PPFIBP1: variants seen among roughly 807,000 people sequenced by gnomAD.
PPFIBP1 encodes liprin-beta-1.
A neutral mutation model predicts 137.8 loss-of-function variants in PPFIBP1; 112 were observed. That is an observed-to-expected ratio of 0.81 (90% confidence interval 0.70 to 0.95). The LOEUF (loss-of-function observed/expected upper bound fraction) is 0.95, where lower values mean the gene tolerates loss of function less well. PPFIBP1 is among the 40% of genes least tolerant of loss of function. The probability of loss-of-function intolerance (pLI) is 0.00; values close to 1 mark genes in which losing one functional copy is unlikely to be tolerated. For synonymous variants in PPFIBP1, 378 were observed against 417.3 expected, an observed-to-expected ratio of 0.91 and a Z score of 1.15; for missense variants, 1,083 against 1,196.6, an observed-to-expected ratio of 0.91 and a Z score of 1.40.
At chr12:27,618,966 A>G (rs1427527555) in intron 2 of PPFIBP1, among the ~76,000 whole-genome samples, 2 of 152,234 alleles carry the variant, frequency 1.3e-5, no homozygotes, top group African/African-American at 2.4e-5. Context: ...TTAGCCAAGT[A>G]TAACATCTAT....
At chr12:27,629,082 G>A in intron 2 of PPFIBP1, among the ~76,000 whole-genome samples, 1 of 152,148 alleles carries the variant, frequency 6.6e-6, no homozygotes, top group South Asian at 2.1e-4. Flanking sequence ...GTTAAAAGTT[G>A]GGCTGGCATG....
chr12:27,659,517 G>A (rs2059413115), intron 10 of PPFIBP1, among the ~76,000 whole-genome samples: 1 of 152,088 alleles, frequency 6.6e-6, no homozygotes, highest in South Asian at 2.1e-4. Context: ...GGAGGCTGAG[G>A]TGGAAGGATC....
In PPFIBP1 at chr12:27,687,413, G is replaced by A; in HGVS notation, c.2276G>A (p.Ser759Asn). The A allele has an allele frequency of 6.2e-7, 1 of 1,613,950 alleles. No homozygotes were observed. The highest frequency in any genetic ancestry group is 8.5e-7 in the Non-Finnish European group (1 of 1,179,870). Reference protein sequence around the residue: ...VDDLLSLKVVSVLHHLSIKRA... With the variant: ...VDDLLSLKVVNVLHHLSIKRA... ...GACTTACTGTCTCTGAAGGTTGTAA[G>A]TGTGCTACACCATCTCAGTATCAAA... The change falls in exon 25 of 30, where the codon AGT becomes AAT. Residue 759 changes from serine (S) to asparagine (N), a missense_variant. Ser to Asn is a conservative substitution (Grantham distance 46). Coordinates refer to ENST00000228425, the MANE Select transcript of PPFIBP1 (RefSeq NM_003622.4).
At chr12:27,549,443 C>T (rs996181775) in intron 1 of PPFIBP1, 8 of 151,922 alleles carry the variant, frequency 5.3e-5, no homozygotes, top group African/African-American at 1.9e-4. Flanking sequence ...CCAACTATGA[C>T]TTTTCATTGT....
chr12:27,541,755 C>T (rs920490421), intron 1 of PPFIBP1, among the ~76,000 whole-genome samples: 1 of 152,220 alleles, frequency 6.6e-6, no homozygotes. Context: ...TCACCTCAAC[C>T]TTATGAGCTT....
chr12:27,531,203 A>G (rs960184332), intron 1 of PPFIBP1, among the ~76,000 whole-genome samples: 38 of 152,200 alleles, frequency 2.5e-4, no homozygotes, highest in African/African-American at 9.2e-4. Context: ...CAAGTAACTT[A>G]ACCTCTCTGG....
At chr12:27,563,869 C>CTT (rs570467910) in intron 1 of PPFIBP1, among the ~76,000 whole-genome samples, 43,386 of 142,712 alleles carry the variant, frequency 0.3, 7,018 homozygotes, top group Middle Eastern at 0.44. Flanking sequence ...AAACACTTCC[C>CTT]TTTTTTTTTT....
At chr12:27,605,580 TATA>T (rs1439636919) in intron 2 of PPFIBP1, among the ~76,000 whole-genome samples, 1 of 152,142 alleles carries the variant, frequency 6.6e-6, no homozygotes, top group Non-Finnish European at 1.5e-5. Flanking sequence ...ATATATAAAA[TATA>T]ATTTCACTCT....
chr12:27,573,719 A>G (rs1161777127), intron 1 of PPFIBP1, among the ~76,000 whole-genome samples: 3 of 152,254 alleles, frequency 2.0e-5, no homozygotes, highest in African/African-American at 7.2e-5. Context: ...GCAGTGGCCC[A>G]TGCCTGTAAT....
At chr12:27,555,450 A>G (rs936463017) in intron 1 of PPFIBP1, among the ~76,000 whole-genome samples, 1 of 152,112 alleles carries the variant, frequency 6.6e-6, no homozygotes, top group African/African-American at 2.4e-5. Context: ...TTGGTGTTTC[A>G]CTCGAGCGGG....
chr12:27,597,176 A>G (rs529639408), intron 2 of PPFIBP1, among the ~76,000 whole-genome samples: 2 of 152,156 alleles, frequency 1.3e-5, no homozygotes, highest in South Asian at 2.1e-4. Context: ...TTATTTATTT[A>G]TTTATTTTTG....
At chr12:27,679,090 CAA>C (rs1321531932) in intron 19 of PPFIBP1, among the ~76,000 whole-genome samples, 1 of 151,912 alleles carries the variant, frequency 6.6e-6, no homozygotes, top group African/African-American at 2.4e-5. Flanking sequence ...GGTGCTACAG[CAA>C]AGACACTATC....
intron 4 of PPFIBP1, chr12:27,635,904 C>G (rs952271749): frequency 2.0e-5 from 3 of 152,116 alleles, no homozygotes; most frequent in African/African-American, 7.2e-5. Context: ...GTCACAAAAA[C>G]AGATTCAGTG....
intron 1 of PPFIBP1, among the ~76,000 whole-genome samples, chr12:27,537,155 G>A (rs1019524559): frequency 6.6e-6 from 1 of 151,040 alleles, no homozygotes; most frequent in Non-Finnish European, 1.5e-5. Context: ...TTTTTGAGAC[G>A]GAGTCTCTCA....
intron 27 of PPFIBP1, among the ~76,000 whole-genome samples, chr12:27,690,965 A>T (rs1314936486): frequency 6.6e-6 from 1 of 151,728 alleles, no homozygotes; most frequent in Non-Finnish European, 1.5e-5. Flanking sequence ...TTGATGGGTT[A>T]CTGGGTCCTC....
chr12:27,553,864 A>G (rs373905368), intron 1 of PPFIBP1, among the ~76,000 whole-genome samples: 5 of 152,160 alleles, frequency 3.3e-5, no homozygotes, highest in African/African-American at 9.7e-5. Context: ...TTATCTTCCA[A>G]TTGAGTAAAT....
At chr12:27,660,067 T>G (rs980966389) in intron 10 of PPFIBP1, among the ~76,000 whole-genome samples, 1 of 152,154 alleles carries the variant, frequency 6.6e-6, no homozygotes, top group African/African-American at 2.4e-5. Flanking sequence ...TTCATTTATT[T>G]ATTTATTTGA....
intron 1 of PPFIBP1, among the ~76,000 whole-genome samples, chr12:27,537,401 G>A (rs1359498565): frequency 6.6e-6 from 1 of 152,128 alleles, no homozygotes; most frequent in Non-Finnish European, 1.5e-5. Flanking sequence ...AAAGTGCTGG[G>A]ATTACAGACG....
intron 1 of PPFIBP1, among the ~76,000 whole-genome samples, chr12:27,564,357 G>A (rs1028749180): frequency 4.6e-5 from 7 of 152,210 alleles, no homozygotes; most frequent in African/African-American, 1.4e-4. Context: ...AGTCAAGTGT[G>A]TAGTTTAGAA....
Sources: gnomAD v4.1 joint callset for allele counts (sites outside exome capture counted in the v4.1 genomes callset) on GRCh38, gnomAD v4.1.1 for gene constraint, MANE v1.5 for transcripts, NCBI Gene and HGNC (gene_info 2026-07-23, HGNC 2026-07-21) for gene names.